Variants in GRID1 observed in about 807,000 individuals in gnomAD.
GRID1 encodes glutamate receptor ionotropic, delta-1.
A neutral mutation model predicts 98.0 loss-of-function variants in GRID1; 28 were observed. The observed-to-expected ratio is 0.29, with a 90% CI of 0.21 to 0.39. The LOEUF (loss-of-function observed/expected upper bound fraction) is 0.39, where lower values mean the gene tolerates loss of function less well. GRID1 is among the 10% of genes least tolerant of loss of function. GRID1 has a pLI of 1.00. For synonymous variants in GRID1, 553 were observed against 538.5 expected (o/e 1.03, Z -0.37); for missense variants, 1,111 against 1,340.5 (o/e 0.83, Z 2.67).
chr10:85,771,527 C>A (rs1028763186), intron 8 of GRID1, among the ~76,000 whole-genome samples: 3 of 151,958 alleles, frequency 2.0e-5, no homozygotes, highest in Non-Finnish European at 2.9e-5. Context: ...CACAGACTGG[C>A]AAATTGGATA....
chr10:86,199,196 C>T (rs1307722463), intron 3 of GRID1, among the ~76,000 whole-genome samples: 2 of 152,090 alleles, frequency 1.3e-5, no homozygotes, highest in African/African-American at 4.8e-5. Flanking sequence ...CTCAGATACA[C>T]ACACATAGAA....
At chr10:86,006,550 G>A (rs898559377) in intron 4 of GRID1, among the ~76,000 whole-genome samples, 8 of 152,162 alleles carry the variant, frequency 5.3e-5, no homozygotes, top group African/African-American at 1.4e-4. Flanking sequence ...CCCGGGAGGC[G>A]GAGGTTGCAG....
chr10:85,711,932 C>A (rs1051624315), intron 12 of GRID1, among the ~76,000 whole-genome samples: 1 of 151,490 alleles, frequency 6.6e-6, no homozygotes, highest in African/African-American at 2.4e-5. Context: ...TAATCCAACA[C>A]AAATTGTTAT....
At chr10:85,658,259 T>G (rs1222230444) in intron 12 of GRID1, among the ~76,000 whole-genome samples, 1 of 152,164 alleles carries the variant, frequency 6.6e-6, no homozygotes, top group Non-Finnish European at 1.5e-5. Flanking sequence ...GTCTGAACCC[T>G]CTAGTGTGTC....
chr10:86,270,198 C>A (rs985492428), intron 2 of GRID1, among the ~76,000 whole-genome samples: 2 of 152,164 alleles, frequency 1.3e-5, no homozygotes, highest in East Asian at 3.8e-4. Context: ...AGACTGTGGC[C>A]TCCTTGAGGG....
Position 86,016,847 on chromosome 10 carries a change from A to G in GRID1, c.727-100608T>C, listed in dbSNP as rs536283682. On this transcript the variant is annotated intron_variant, in intron 4 of 15. Transcript: ENST00000327946. ...GTGGCCAGAACCACATGGTTGAGGG[A>G]CCCTGGACTTTAGAGTCAGGGGTAT... is the stretch of plus-strand genomic sequence containing the variant. 2.6e-5 allele frequency among the ~76,000 whole-genome samples: 4 copies of G among 152,290 alleles called. No individual in the cohort carries two copies. The South Asian group carries it at 8.3e-4, about 32-fold the overall frequency.
At chr10:86,069,866 T>A (rs1396592544) in intron 4 of GRID1, among the ~76,000 whole-genome samples, 1 of 151,912 alleles carries the variant, frequency 6.6e-6, no homozygotes, top group Non-Finnish European at 1.5e-5. Flanking sequence ...TCATTCCTGG[T>A]GCAGAAGACC....
At chr10:85,883,576 C>G (rs951898897) in intron 5 of GRID1, among the ~76,000 whole-genome samples, 3 of 151,566 alleles carry the variant, frequency 2.0e-5, no homozygotes, top group African/African-American at 4.8e-5. Flanking sequence ...CCCATCTTCT[C>G]TTTCTTCCTT....
chr10:85,993,379 TCACATAGGCAAGC>T (rs1269513851), intron 4 of GRID1, among the ~76,000 whole-genome samples: 2 of 152,222 alleles, frequency 1.3e-5, no homozygotes, highest in Non-Finnish European at 2.9e-5. Context: ...GGACACTGCC[TCACATAGGCAAGC>T]CACAGTGCAA....
At chr10:86,326,444 T>C (rs1589450130) in intron 2 of GRID1, among the ~76,000 whole-genome samples, 2 of 152,182 alleles carry the variant, frequency 1.3e-5, no homozygotes, top group East Asian at 3.8e-4. Flanking sequence ...CCTAATCAAA[T>C]GTATGAAAGT....
intron 12 of GRID1, among the ~76,000 whole-genome samples, chr10:85,687,969 T>G (rs2132606219): frequency 6.6e-6 from 1 of 152,334 alleles, no homozygotes; most frequent in African/African-American, 2.4e-5. Context: ...TGGCTGTGAT[T>G]GCTGGTATGA....
At chr10:85,790,541 T>TG (rs1212579293) in intron 8 of GRID1, among the ~76,000 whole-genome samples, 1 of 150,640 alleles carries the variant, frequency 6.6e-6, no homozygotes, top group Non-Finnish European at 1.5e-5. Context: ...GCAGAGGGAG[T>TG]GGGGGGAAGG....
At chr10:85,636,246 G>A (rs139171051) in intron 13 of GRID1, among the ~76,000 whole-genome samples, 49 of 152,198 alleles carry the variant, frequency 3.2e-4, no homozygotes, top group Middle Eastern at 6.8e-3. Context: ...GTCCCAAGTC[G>A]GTTTTTGTCT....
chr10:85,909,693 G>A (rs1269375659), intron 5 of GRID1, among the ~76,000 whole-genome samples: 7 of 152,068 alleles, frequency 4.6e-5, no homozygotes, highest in Admixed American at 2.6e-4. Flanking sequence ...TACATAAAAC[G>A]CAAAGATACA....
chr10:86,153,531 G>T (rs1423061836), intron 3 of GRID1, among the ~76,000 whole-genome samples: 3 of 152,198 alleles, frequency 2.0e-5, no homozygotes, highest in South Asian at 2.1e-4. Flanking sequence ...TGAAACACCA[G>T]AAATAATGGG....
intron 4 of GRID1, among the ~76,000 whole-genome samples, chr10:85,996,593 C>T (rs1842740974): frequency 6.6e-6 from 1 of 151,936 alleles, no homozygotes; most frequent in African/African-American, 2.4e-5. Context: ...ACCTATGAAA[C>T]AAAAACAAAA....
intron 2 of GRID1, among the ~76,000 whole-genome samples, chr10:86,332,967 G>T (rs1362711031): frequency 2.0e-5 from 3 of 152,056 alleles, no homozygotes; most frequent in Admixed American, 6.5e-5. Flanking sequence ...CTTCCACCAG[G>T]GTGGCCTCCC....
chr10:85,884,412 T>C (rs1421616588), intron 5 of GRID1, among the ~76,000 whole-genome samples: 1 of 152,190 alleles, frequency 6.6e-6, no homozygotes, highest in Non-Finnish European at 1.5e-5. Flanking sequence ...ATTTGTTTCA[T>C]TTGGCTGTCT....
At chr10:85,720,633 C>CAAA (rs1178857868) in intron 12 of GRID1, among the ~76,000 whole-genome samples, 2,361 of 79,058 alleles carry the variant, frequency 0.03, 53 homozygotes, top group African/African-American at 0.081. Flanking sequence ...AACAAACAGA[C>CAAA]AAAAAAAAAA....
Sources: gnomAD v4.1 joint callset for allele counts (sites outside exome capture counted in the v4.1 genomes callset) on GRCh38, gnomAD v4.1.1 for gene constraint, MANE v1.5 for transcripts, NCBI Gene and HGNC (gene_info 2026-07-23, HGNC 2026-07-21) for gene names.